TLCD4: variants seen among roughly 807,000 people sequenced by gnomAD.
The protein encoded by TLCD4 is TLC domain-containing protein 4.
A neutral mutation model predicts 24.2 loss-of-function variants in TLCD4; 7 were observed. The ratio of observed to expected loss-of-function variants is 0.29; its 90% CI spans 0.16 to 0.54. The LOEUF is 0.54. Ranked by LOEUF, TLCD4 falls within the 20% of genes least tolerant of loss-of-function variation. The pLI is 0.95. For synonymous variants in TLCD4, 103 were observed against 106.4 expected (o/e 0.97, Z 0.20); for missense variants, 259 against 313.9 (o/e 0.82, Z 1.32).
intron 5 of TLCD4, among the ~76,000 whole-genome samples, chr1:95,161,534 C>T (rs1358317264): frequency 6.6e-6 from 1 of 152,112 alleles, no homozygotes. Flanking sequence ...TTATTTCTTG[C>T]CTTCTGCTAG....
At chr1:95,179,604 T>C (rs1199357072) in intron 6 of TLCD4, among the ~76,000 whole-genome samples, 1 of 152,246 alleles carries the variant, frequency 6.6e-6, no homozygotes, top group Non-Finnish European at 1.5e-5. Context: ...TTCTATATTA[T>C]TATCTTTCAC....
At chr1:95,144,753 A>T (rs993838999) in intron 2 of TLCD4, among the ~76,000 whole-genome samples, 1 of 151,942 alleles carries the variant, frequency 6.6e-6, no homozygotes, top group Non-Finnish European at 1.5e-5. Context: ...TGCAGTGGTG[A>T]AATCTTGGCT....
chr1:95,122,526 G>GT (rs749049009), intron 1 of TLCD4, among the ~76,000 whole-genome samples: 25 of 152,270 alleles, frequency 1.6e-4, no homozygotes, highest in Non-Finnish European at 2.5e-4. Flanking sequence ...TGTTTTCAGT[G>GT]TTTGACTTCA....
At chr1:95,146,039 A>G (rs541993420) in intron 2 of TLCD4, among the ~76,000 whole-genome samples, 10 of 152,290 alleles carry the variant, frequency 6.6e-5, no homozygotes, top group Admixed American at 6.5e-4. Context: ...TGAGTAAAAT[A>G]TGTATAAATG....
Position 95,191,545 on chromosome 1 carries a change from T to C in TLCD4, c.474-5T>C. 2 of 1,596,752 alleles carry C rather than the reference T, an allele frequency of 1.3e-6. No homozygotes were observed. Among genetic ancestry groups the C allele is most frequent in the Non-Finnish European group, 1.7e-6 (2 of 1,172,338 alleles). Reference sequence around the variant, plus strand: ...AATGTGATGTTTCTTTAATTCATTTTTCAGGTGGTTCTTTGAAGCTCTGAA... The same window carrying C: ...AATGTGATGTTTCTTTAATTCATTTCTCAGGTGGTTCTTTGAAGCTCTGAA... On this transcript the variant is annotated splice_region_variant and splice_polypyrimidine_tract_variant and intron_variant, in intron 6 of 6. Coordinates refer to ENST00000370203, the MANE Select transcript of TLCD4 (RefSeq NM_152487.3).
At chr1:95,174,288 A>G (rs1678338107) in intron 6 of TLCD4, 1 of 166,310 alleles carries the variant, frequency 6.0e-6, no homozygotes, top group Non-Finnish European at 1.3e-5. Context: ...TATTCCTGAC[A>G]CTAACTTCCT....
intron 6 of TLCD4, among the ~76,000 whole-genome samples, chr1:95,174,521 A>G (rs999210225): frequency 8.2e-6 from 1 of 121,784 alleles, no homozygotes; most frequent in Non-Finnish European, 1.6e-5. Flanking sequence ...AAAAAAAAAA[A>G]AAAAAGAAAA....
intron 5 of TLCD4, among the ~76,000 whole-genome samples, chr1:95,154,353 A>G (rs542270743): frequency 5.3e-5 from 8 of 152,294 alleles, no homozygotes; most frequent in Non-Finnish European, 1.2e-4. Context: ...CTCCTTGTCA[A>G]CAGGACTTAG....
intron 1 of TLCD4, among the ~76,000 whole-genome samples, chr1:95,139,124 A>G (rs1355081472): frequency 2.8e-5 from 4 of 142,442 alleles, no homozygotes; most frequent in East Asian, 4.5e-4. Flanking sequence ...ATAGTGAGCT[A>G]TGATTGTGCC....
chr1:95,161,230 G>A (rs1439293414), intron 5 of TLCD4, among the ~76,000 whole-genome samples: 1 of 152,094 alleles, frequency 6.6e-6, no homozygotes, highest in Non-Finnish European at 1.5e-5. Flanking sequence ...GTTTAGTCTT[G>A]GGAGGGTGTA....
At chr1:95,143,454 A>G (rs961314906) in intron 1 of TLCD4, among the ~76,000 whole-genome samples, 1 of 151,910 alleles carries the variant, frequency 6.6e-6, no homozygotes, top group Non-Finnish European at 1.5e-5. Flanking sequence ...TGTTAGTTCT[A>G]TGGTTTTTGG....
intron 5 of TLCD4, among the ~76,000 whole-genome samples, chr1:95,157,720 T>C (rs1182747465): frequency 1.3e-5 from 2 of 152,208 alleles, no homozygotes; most frequent in Non-Finnish European, 2.9e-5. Flanking sequence ...TAGCTTGGGC[T>C]TCTCACAGCC....
At chr1:95,143,711 C>A (rs1571740642) in intron 1 of TLCD4, among the ~76,000 whole-genome samples, 180 bp from the exon 2 acceptor site, 1 of 151,798 alleles carries the variant, frequency 6.6e-6, no homozygotes, top group South Asian at 2.1e-4. Context: ...AGATACATGA[C>A]AAATAGATGG....
intron 6 of TLCD4, among the ~76,000 whole-genome samples, chr1:95,175,588 A>C (rs1678392137): frequency 6.6e-6 from 1 of 152,042 alleles, no homozygotes; most frequent in South Asian, 2.1e-4. Context: ...TGGTCCTTTT[A>C]ATTTTTTGAT....
intron 1 of TLCD4, among the ~76,000 whole-genome samples, chr1:95,139,773 A>G (rs1677148453): frequency 6.6e-6 from 1 of 152,132 alleles, no homozygotes; most frequent in African/African-American, 2.4e-5. Flanking sequence ...GATTCTTTTT[A>G]ATAACACTTA....
intron 6 of TLCD4, among the ~76,000 whole-genome samples, chr1:95,187,766 A>G (rs2101021728): frequency 6.6e-6 from 1 of 152,168 alleles, no homozygotes; most frequent in East Asian, 1.9e-4. Context: ...ACTGCCATAA[A>G]AAATGCCACA....
chr1:95,105,000 TG>T, the TLCD4 span, among the ~76,000 whole-genome samples: 1 of 152,154 alleles, frequency 6.6e-6, no homozygotes, highest in South Asian at 2.1e-4. Context: ...CCAGCCTGGG[TG>T]GCAGAGTGAG....
chr1:95,104,276 A>C, the TLCD4 span, among the ~76,000 whole-genome samples: 1 of 152,206 alleles, frequency 6.6e-6, no homozygotes, highest in Admixed American at 6.5e-5. Flanking sequence ...TGCAGGGTGC[A>C]ATGTAAGTTG....
the TLCD4 span, among the ~76,000 whole-genome samples, chr1:95,106,986 C>T: frequency 6.6e-6 from 1 of 152,098 alleles, no homozygotes. Context: ...TAGTGATACA[C>T]ATGATTCATA....
Sources: gnomAD v4.1 joint callset for allele counts (sites outside exome capture counted in the v4.1 genomes callset) on GRCh38, gnomAD v4.1.1 for gene constraint, MANE v1.5 for transcripts, NCBI Gene and HGNC (gene_info 2026-07-23, HGNC 2026-07-21) for gene names.